Variants in CADM2 observed in about 807,000 individuals in gnomAD.
CADM2 encodes the protein cell adhesion molecule 2, also known as immunoglobulin superfamily member 4D.
CADM2 carries 12 observed loss-of-function variants against 49.8 expected under a neutral mutation model. That is an observed-to-expected ratio of 0.24 (90% confidence interval 0.15 to 0.39). CADM2 has a LOEUF of 0.39. Among genes scored for constraint, CADM2 ranks in the 10% least tolerant of loss-of-function variants. The pLI is 1.00. For missense variants in CADM2, 378 were observed against 492.3 expected, an observed-to-expected ratio of 0.77 and a Z score of 2.20; for synonymous variants, 214 against 175.4, an observed-to-expected ratio of 1.22 and a Z score of -1.74.
At chr3:85,254,012 C>T (rs1206607212) in intron 1 of CADM2, among the ~76,000 whole-genome samples, 2 of 152,138 alleles carry the variant, frequency 1.3e-5, no homozygotes, top group East Asian at 3.9e-4. Flanking sequence ...GAAGGCTCAG[C>T]CCCCAAACTG....
At chr3:85,541,399 T>C (rs1162034671) in intron 1 of CADM2, among the ~76,000 whole-genome samples, 4 of 151,292 alleles carry the variant, frequency 2.6e-5, no homozygotes, top group African/African-American at 9.7e-5. Flanking sequence ...TAGCTTTTTA[T>C]GATAAGTATA....
At chr3:85,391,567 A>G (rs945719820) in intron 1 of CADM2, among the ~76,000 whole-genome samples, 2 of 152,086 alleles carry the variant, frequency 1.3e-5, no homozygotes, top group Non-Finnish European at 2.9e-5. Context: ...CAATAGCAAC[A>G]ATAGTCAAGA....
chr3:85,149,943 A>C lies in CADM2; in HGVS notation c.61+190275A>C, dbSNP rs1027585675. Among the ~76,000 whole-genome samples, 19 of 152,310 alleles carry C rather than the reference A, an allele frequency of 1.2e-4. No individual in the cohort carries two copies. The East Asian group carries it at 3.7e-3, about 29-fold the overall frequency. ...TTCCCTCTATTTTCACAGTCTCTTA[A>C]CAATGGATATTGGTAGGTTGAATTT... is the stretch of plus-strand genomic sequence containing the variant. On this transcript the variant is annotated intron_variant, in intron 1 of 9. Transcript: ENST00000383699.
chr3:85,723,652 A>C (rs945246857), intron 1 of CADM2, among the ~76,000 whole-genome samples: 1 of 152,084 alleles, frequency 6.6e-6, no homozygotes, highest in Non-Finnish European at 1.5e-5. Context: ...CAACAATCAA[A>C]GGATAAAATC....
At chr3:85,432,282 C>A (rs2036716708) in intron 1 of CADM2, among the ~76,000 whole-genome samples, 1 of 151,780 alleles carries the variant, frequency 6.6e-6, no homozygotes, top group South Asian at 2.1e-4. Context: ...ATGCTAACAT[C>A]TTCAGTGACT....
At chr3:85,213,945 T>C (rs1679021255) in intron 1 of CADM2, among the ~76,000 whole-genome samples, 1 of 152,172 alleles carries the variant, frequency 6.6e-6, no homozygotes. Context: ...TTGTTAAATT[T>C]ATCTGATAAG....
At chr3:85,043,522 G>C in intron 1 of CADM2, among the ~76,000 whole-genome samples, 1 of 151,798 alleles carries the variant, frequency 6.6e-6, no homozygotes, top group East Asian at 2.0e-4. Context: ...TCTCAAAAAA[G>C]TAAAATAAAA....
chr3:85,560,176 T>C (rs1316145864), intron 1 of CADM2, among the ~76,000 whole-genome samples: 1 of 152,216 alleles, frequency 6.6e-6, no homozygotes, highest in Non-Finnish European at 1.5e-5. Flanking sequence ...CCTATATGCC[T>C]GCGGTTGCTT....
At chr3:85,221,612 A>G (rs1250117908) in intron 1 of CADM2, among the ~76,000 whole-genome samples, 1 of 152,196 alleles carries the variant, frequency 6.6e-6, no homozygotes. Context: ...TTATGTAACC[A>G]TAAGCAGGGC....
intron 8 of CADM2, among the ~76,000 whole-genome samples, chr3:85,996,540 A>G (rs1729444045): frequency 6.6e-6 from 1 of 152,130 alleles, no homozygotes; most frequent in Non-Finnish European, 1.5e-5. Flanking sequence ...CAGTTAATTT[A>G]GAAAATCAAA....
Position 85,873,708 on chromosome 3 carries a change from C to A in CADM2, c.239-9583C>A, listed in dbSNP as rs548980550. 5.9e-3 allele frequency among the ~76,000 whole-genome samples: 894 copies of A among 152,120 alleles called. 3 individuals are homozygous for A. The highest frequency in any genetic ancestry group is 8.4e-3 in the Admixed American group (128 of 15,262). ...AAATTAAATTTAAAAAGTAGGATGT[C>A]ATTCTTCAAATTCTATATAGTAAAT... is the stretch of plus-strand genomic sequence containing the variant. On this transcript the variant is annotated intron_variant, in intron 3 of 9. Coordinates refer to ENST00000383699, the MANE Select transcript of CADM2 (RefSeq NM_001167675.2).
chr3:85,507,553 T>C (rs1559875973), intron 1 of CADM2, among the ~76,000 whole-genome samples: 2 of 152,194 alleles, frequency 1.3e-5, no homozygotes, highest in South Asian at 2.1e-4. Context: ...TATCCAAACA[T>C]TATTTGAAAT....
chr3:85,212,950 C>T (rs1354484613), intron 1 of CADM2, among the ~76,000 whole-genome samples: 6 of 150,300 alleles, frequency 4.0e-5, no homozygotes, highest in African/African-American at 7.3e-5. Flanking sequence ...GCGCAATCTC[C>T]GCTCACTGCA....
intron 8 of CADM2, among the ~76,000 whole-genome samples, chr3:86,011,098 A>C (rs1477317655): frequency 6.6e-6 from 1 of 152,208 alleles, no homozygotes; most frequent in South Asian, 2.1e-4. Flanking sequence ...GAGAAGAAGC[A>C]AAGCTTCCCA....
At chr3:85,897,583 G>C (rs900759562) in intron 5 of CADM2, among the ~76,000 whole-genome samples, 1 of 151,822 alleles carries the variant, frequency 6.6e-6, no homozygotes, top group Non-Finnish European at 1.5e-5. Context: ...CTACATCTTA[G>C]TAATAGTCTC....
At chr3:85,010,747 AG>A (rs2033947517) in intron 1 of CADM2, among the ~76,000 whole-genome samples, 1 of 149,540 alleles carries the variant, frequency 6.7e-6, no homozygotes. Context: ...TAAATGTACT[AG>A]CTAATTTATA....
chr3:86,061,626 C>T (rs563141138), intron 8 of CADM2, among the ~76,000 whole-genome samples: 2 of 152,104 alleles, frequency 1.3e-5, no homozygotes, highest in African/African-American at 2.4e-5. Flanking sequence ...CCACAAGCCA[C>T]GTGTCATAAC....
At chr3:85,232,820 G>T (rs914902306) in intron 1 of CADM2, among the ~76,000 whole-genome samples, 5 of 152,116 alleles carry the variant, frequency 3.3e-5, no homozygotes, top group African/African-American at 1.2e-4. Flanking sequence ...TAGTCACTTT[G>T]TAAGACAGTT....
chr3:85,914,790 G>A (rs1009744302), intron 6 of CADM2, among the ~76,000 whole-genome samples: 2 of 152,152 alleles, frequency 1.3e-5, no homozygotes, highest in African/African-American at 2.4e-5. Flanking sequence ...ACAGGATTTG[G>A]GCTTGTGCCG....
Sources: gnomAD v4.1 joint callset for allele counts (sites outside exome capture counted in the v4.1 genomes callset) on GRCh38, gnomAD v4.1.1 for gene constraint, MANE v1.5 for transcripts, NCBI Gene and HGNC (gene_info 2026-07-23, HGNC 2026-07-21) for gene names.